The following MOV10L1 variants were observed in gnomAD, a reference collection of about 807,000 sequenced individuals.
The protein encoded by MOV10L1 is Mov10 like RNA helicase 1.
In MOV10L1, 110 loss-of-function variants were observed where a neutral mutation model predicts 143.8. That is an observed-to-expected ratio of 0.76 (90% CI 0.66 to 0.90). MOV10L1 has a LOEUF of 0.90. MOV10L1 is among the 40% of genes least tolerant of loss of function. MOV10L1 has a pLI of 0.00. For missense variants in MOV10L1, 1,406 were observed against 1,526.8 expected, an observed-to-expected ratio of 0.92 and a Z score of 1.32; for synonymous variants, 593 against 581.1, an observed-to-expected ratio of 1.02 and a Z score of -0.29.
At position 50,161,657 on chromosome 22, in the gene MOV10L1, T is replaced by C. The variant is rs563653205; in HGVS notation, c.*208T>C. On this transcript the variant is annotated 3_prime_UTR_variant, in exon 27 of 27. Transcript: ENST00000262794. ...CTGCCACAGGGCAGTCACTGCCGCC[T>C]ACCCTGAAATAAACCCTCGAGTGAC... 6.2e-5 allele frequency: 33 copies of C among 528,592 alleles called. 1 individual carries two copies. In the East Asian group the frequency reaches 7.0e-4, roughly 11 times the overall value. 32.7% of individuals were successfully genotyped at this position (528,592 alleles called of 1,614,324 possible).
At chr22:50,111,951 T>C (rs1256645678) in intron 5 of MOV10L1, among the ~76,000 whole-genome samples, 1 of 152,212 alleles carries the variant, frequency 6.6e-6, no homozygotes, top group Admixed American at 6.5e-5. Context: ...ATCTGGTGCC[T>C]GGCTGGGCCT....
intron 26 of MOV10L1, 23 bp from the exon 27 acceptor site, chr22:50,161,345 A>T (rs760704829): frequency 6.5e-7 from 1 of 1,544,702 alleles, no homozygotes; most frequent in Non-Finnish European, 8.7e-7. Context: ...CTCACTGGCC[A>T]TCCGCTTCTC....
intron 10 of MOV10L1, among the ~76,000 whole-genome samples, chr22:50,121,485 A>C (rs1380218359): frequency 6.6e-6 from 1 of 152,194 alleles, no homozygotes; most frequent in Non-Finnish European, 1.5e-5. Flanking sequence ...CCCCAATGCC[A>C]GGGAAAACCC....
chr22:50,144,482 G>A (rs1006794500), intron 18 of MOV10L1, among the ~76,000 whole-genome samples: 3 of 152,226 alleles, frequency 2.0e-5, no homozygotes, highest in African/African-American at 7.2e-5. Context: ...GTGGGCATTC[G>A]TAGCATTGTA....
chr22:50,145,593 G>GTT (rs1194019844), intron 18 of MOV10L1, 96 bp from the exon 19 acceptor site: 10 of 1,489,060 alleles, frequency 6.7e-6, no homozygotes, highest in Middle Eastern at 3.5e-4. Flanking sequence ...TCATGACTTA[G>GTT]ACGTAACTAA....
At chr22:50,151,435 A>G (rs193213104) in intron 21 of MOV10L1, among the ~76,000 whole-genome samples, 4 of 152,362 alleles carry the variant, frequency 2.6e-5, no homozygotes, top group Admixed American at 1.3e-4. Flanking sequence ...GCCAGTATTA[A>G]CATCAATAGA....
At chr22:50,114,213 G>A (rs748258705) in intron 6 of MOV10L1, among the ~76,000 whole-genome samples, 168 bp from the exon 7 acceptor site, 8 of 152,020 alleles carry the variant, frequency 5.3e-5, no homozygotes, top group Non-Finnish European at 7.4e-5. Context: ...CACCACGCCC[G>A]GCATGAAGAT....
At position 50,117,357 on chromosome 22, in the gene MOV10L1, A is replaced by G. The variant is rs760509742; in HGVS notation, c.1454+6A>G. The stretch of plus-strand genomic sequence containing the variant: ...GTTGTGACCGCACAGAAAAGGTACC[A>G]TAACTGAAATGAGTGTGGCTCTTGG... On this transcript the variant is annotated splice_donor_region_variant and intron_variant, in intron 9 of 26. Coordinates refer to ENST00000262794, the MANE Select transcript of MOV10L1 (RefSeq NM_018995.3). 6 of 1,611,636 alleles carry G rather than the reference A, an allele frequency of 3.7e-6. No homozygotes were observed. The highest frequency in any genetic ancestry group is 2.7e-5 in the African/African-American group (2 of 74,896).
Position 50,108,803 on chromosome 22 carries a change from C to T in MOV10L1, c.702C>T (p.Cys234=). The T allele has an allele frequency of 6.2e-7, 1 of 1,614,154 alleles. No homozygotes were observed. The highest frequency in any genetic ancestry group is 8.5e-7 in the Non-Finnish European group (1 of 1,180,008). ...NAVVVESSQS[C]YVWRALCMTL... is the part of the protein sequence containing the mutation. ...TGGTGGTGGAGAGCAGCCAGTCATG[C>T]TATGTCTGGAGGGCACTTTGTATGA... The change falls in exon 5 of 27, where the codon TGC becomes TGT. Residue 234 remains cysteine, a synonymous_variant. Coordinates refer to ENST00000262794, the MANE Select transcript of MOV10L1 (RefSeq NM_018995.3).
intron 5 of MOV10L1, 64 bp from the exon 6 acceptor site, chr22:50,113,584 G>C (rs959967187): frequency 8.2e-6 from 13 of 1,578,318 alleles, no homozygotes; most frequent in East Asian, 2.3e-5. Context: ...CCTCAGGAGC[G>C]GAGGCAGGCG....
intron 6 of MOV10L1, among the ~76,000 whole-genome samples, 189 bp from the exon 7 acceptor site, chr22:50,114,192 C>T (rs931608549): frequency 3.9e-5 from 6 of 152,212 alleles, no homozygotes; most frequent in African/African-American, 9.6e-5. Flanking sequence ...GCTGGGACTA[C>T]AGGCGTGAGA....
intron 14 of MOV10L1, 76 bp from the exon 15 acceptor site, chr22:50,134,454 G>C (rs1031696589): frequency 1.3e-5 from 15 of 1,188,886 alleles, no homozygotes; most frequent in Non-Finnish European, 1.6e-5. Flanking sequence ...TTTAGGGTCA[G>C]CCATAAACAA....
chr22:50,106,015 C>T (rs192071972), intron 3 of MOV10L1, among the ~76,000 whole-genome samples: 21 of 152,296 alleles, frequency 1.4e-4, no homozygotes, highest in African/African-American at 4.6e-4. Flanking sequence ...TGCTTTACTC[C>T]GTTAACATCC....
chr22:50,139,643 T>C lies in MOV10L1; in HGVS notation c.2071-2438T>C, dbSNP rs1047675785. ...AATCACATCTGATCAAGAACTTGTA[T>C]TCGGAAAACATATGAAAGTACTCTA... On this transcript the variant is annotated intron_variant, in intron 15 of 26. Transcript: ENST00000262794. Among the ~76,000 whole-genome samples the C allele has an allele frequency of 3.2e-4, 48 of 152,104 alleles. 1 individual carries two copies. The highest frequency in any genetic ancestry group is 2.8e-3 in the Admixed American group (43 of 15,284).
At chr22:50,119,068 G>A (rs1163409627) in intron 9 of MOV10L1, among the ~76,000 whole-genome samples, 1 of 152,098 alleles carries the variant, frequency 6.6e-6, no homozygotes, top group Non-Finnish European at 1.5e-5. Context: ...AGGATCCCTG[G>A]TTCTCATCTA....
At chr22:50,135,862 T>C (rs997994176) in intron 15 of MOV10L1, among the ~76,000 whole-genome samples, 1 of 151,892 alleles carries the variant, frequency 6.6e-6, no homozygotes, top group African/African-American at 2.4e-5. Flanking sequence ...GTGAATACAA[T>C]AGAAGTGGTT....
chr22:50,128,029 C>G (rs2062561793), intron 12 of MOV10L1, among the ~76,000 whole-genome samples: 1 of 152,174 alleles, frequency 6.6e-6, no homozygotes, highest in South Asian at 2.1e-4. Flanking sequence ...ACCTTGGCCT[C>G]CCAAAGTGCT....
At chr22:50,145,283 G>A (rs1345332384) in intron 18 of MOV10L1, among the ~76,000 whole-genome samples, 5 of 152,190 alleles carry the variant, frequency 3.3e-5, no homozygotes, top group South Asian at 2.1e-4. Context: ...ATAGCTGGGC[G>A]TGGTGGCATG....
chr22:50,158,365 C>T lies in MOV10L1; in HGVS notation c.3216+159C>T. Reference sequence around the variant, plus strand: ...GAATGTCGTTCAACATGAGAGGTCACCCAACTGCCATCCATGGGCCAGTTC... The same window carrying T: ...GAATGTCGTTCAACATGAGAGGTCATCCAACTGCCATCCATGGGCCAGTTC... On this transcript the variant is annotated intron_variant, in intron 23 of 26. Transcript: ENST00000262794. This position sits in a 1 kb window ranked among gnomAD's most constrained non-coding sequence, Gnocchi z 5.0. The T allele has an allele frequency of 1.2e-6, 1 of 862,112 alleles. No homozygotes were observed. The allele number at this position is 862,112 out of a possible 1,614,324, so 53.4% of individuals were successfully genotyped here.
Sources: gnomAD v4.1 joint callset for allele counts (sites outside exome capture counted in the v4.1 genomes callset) on GRCh38, gnomAD v4.1.1 for gene constraint, Gnocchi (gnomAD v3.1) non-coding constraint, MANE v1.5 for transcripts, NCBI Gene and HGNC (gene_info 2026-07-23, HGNC 2026-07-21) for gene names.